The following PRKN variants were observed in gnomAD, a reference collection of about 807,000 sequenced individuals.
PRKN encodes E3 ubiquitin-protein ligase parkin.
Under a neutral mutation model 59.5 loss-of-function variants are expected in PRKN, and 56 were observed. The observed-to-expected ratio is 0.94, with a 90% confidence interval of 0.76 to 1.18. PRKN has a LOEUF of 1.18. Among genes scored for constraint, PRKN ranks in the 50% most tolerant of loss-of-function variants. PRKN has a pLI of 0.00. For missense variants in PRKN, 657 were observed against 596.4 expected, an observed-to-expected ratio of 1.10 and a Z score of -1.06; for synonymous variants, 250 against 222.1, an observed-to-expected ratio of 1.13 and a Z score of -1.12.
At chr6:161,669,748 A>G (rs989734221) in intron 7 of PRKN, among the ~76,000 whole-genome samples, 7 of 152,260 alleles carry the variant, frequency 4.6e-5, no homozygotes, top group Non-Finnish European at 1.0e-4. Context: ...TGACTGTGGG[A>G]TGATCACTGT....
At chr6:162,119,842 C>A (rs1780830210) in intron 4 of PRKN, among the ~76,000 whole-genome samples, 1 of 152,100 alleles carries the variant, frequency 6.6e-6, no homozygotes, top group Non-Finnish European at 1.5e-5. Context: ...CAATATCTTG[C>A]CAATCACTCT....
chr6:161,731,775 T>C (rs1395717481), intron 7 of PRKN, among the ~76,000 whole-genome samples: 1 of 152,144 alleles, frequency 6.6e-6, no homozygotes, highest in Non-Finnish European at 1.5e-5. Context: ...ACAAAAGCAC[T>C]AAATATGTCT....
rs1258194942 is a variant in PRKN, at chr6:162,252,368, C to G, written c.412+10157G>C. Among the ~76,000 whole-genome samples, 11 of 152,132 alleles carry G rather than the reference C, an allele frequency of 7.2e-5. 1 individual carries two copies. The highest frequency in any genetic ancestry group is 6.5e-4 in the Admixed American group (10 of 15,268). ...TAGAATTTTGAAGTCAGGGTACCTT[C>G]TAGTGTTGACTGCAATGGTTAAGTC... On this transcript the variant is annotated intron_variant, in intron 3 of 11. Coordinates refer to ENST00000366898, the MANE Select transcript of PRKN (RefSeq NM_004562.3).
At chr6:162,686,260 C>A (rs569411983) in intron 1 of PRKN, among the ~76,000 whole-genome samples, 61 of 152,292 alleles carry the variant, frequency 4.0e-4, no homozygotes, top group Non-Finnish European at 7.5e-4. Context: ...ATTCTTCCAG[C>A]TGACCCTATG....
chr6:161,920,158 C>T (rs188306545), intron 6 of PRKN, among the ~76,000 whole-genome samples: 61 of 152,010 alleles, frequency 4.0e-4, no homozygotes, highest in Non-Finnish European at 7.4e-4. Context: ...CTAAGGCAGG[C>T]GGATCACTTA....
chr6:162,175,150 T>G (rs896905642), intron 4 of PRKN, among the ~76,000 whole-genome samples: 1 of 152,192 alleles, frequency 6.6e-6, no homozygotes, highest in African/African-American at 2.4e-5. Context: ...CTTGTACACC[T>G]TGTTGTCTTA....
intron 5 of PRKN, among the ~76,000 whole-genome samples, chr6:162,032,107 C>T (rs573330526): frequency 1.3e-5 from 2 of 152,232 alleles, no homozygotes; most frequent in East Asian, 3.9e-4. Context: ...GGTTTTCAAA[C>T]AGCTTTAGCC....
chr6:162,194,976 AC>A (rs142238705), intron 4 of PRKN, among the ~76,000 whole-genome samples: 3,884 of 152,226 alleles, frequency 0.026, 165 homozygotes, highest in African/African-American at 0.087. Flanking sequence ...TCGTGGCAGA[AC>A]AGATGGTGGC....
chr6:162,554,213 G>A (rs1251424975), intron 1 of PRKN, among the ~76,000 whole-genome samples: 1 of 152,130 alleles, frequency 6.6e-6, no homozygotes, highest in Non-Finnish European at 1.5e-5. Context: ...CCAAGAAAAC[G>A]GACAGAATGG....
chr6:162,333,557 T>C (rs1342660592), intron 2 of PRKN, among the ~76,000 whole-genome samples: 1 of 152,160 alleles, frequency 6.6e-6, no homozygotes, highest in Admixed American at 6.5e-5. Flanking sequence ...CCACCAACCA[T>C]GCCTATATAA....
In PRKN at chr6:162,230,049, C is replaced by T. The variant is rs901717426; in HGVS notation, c.413-28797G>A. 3.3e-5 allele frequency among the ~76,000 whole-genome samples: 5 copies of T among 152,296 alleles called. No individual in the cohort carries two copies. The East Asian group carries it at 9.7e-4, about 29-fold the overall frequency. ...GAAGGAAACATAATTGAATGTGCAT[C>T]CCTTTTCACAGCCTGGGTACCAGAC... On this transcript the variant is annotated intron_variant, in intron 3 of 11. Transcript: ENST00000366898.
intron 7 of PRKN, among the ~76,000 whole-genome samples, chr6:161,782,451 A>ATTTAT (rs1428993359): frequency 3.3e-5 from 5 of 152,170 alleles, no homozygotes; most frequent in Non-Finnish European, 7.4e-5. Flanking sequence ...GAAAAGGAAT[A>ATTTAT]TTATTTACCT....
At chr6:162,703,130 C>CA (rs1281726105) in intron 1 of PRKN, among the ~76,000 whole-genome samples, 6 of 151,442 alleles carry the variant, frequency 4.0e-5, no homozygotes, top group South Asian at 4.2e-4. Context: ...AGAGTGGCAA[C>CA]AAAAAAAACT....
chr6:162,192,884 C>T (rs1020201799), intron 4 of PRKN, among the ~76,000 whole-genome samples: 6 of 152,080 alleles, frequency 3.9e-5, no homozygotes, highest in African/African-American at 1.4e-4. Flanking sequence ...AAATGCAAAG[C>T]GACATCTGGT....
At chr6:161,571,084 C>T (rs1216287766) in intron 7 of PRKN, among the ~76,000 whole-genome samples, 1 of 152,010 alleles carries the variant, frequency 6.6e-6, no homozygotes, top group Admixed American at 6.6e-5. Flanking sequence ...GGTGTGTGCA[C>T]CACCAAGCCT....
chr6:162,054,963 A>G (rs1458984847), intron 4 of PRKN, among the ~76,000 whole-genome samples: 1 of 152,132 alleles, frequency 6.6e-6, no homozygotes, highest in Admixed American at 6.5e-5. Flanking sequence ...GGAGTTCAAG[A>G]CCAGTCTGAC....
At chr6:162,044,796 C>T (rs1408088066) in intron 5 of PRKN, among the ~76,000 whole-genome samples, 2 of 152,210 alleles carry the variant, frequency 1.3e-5, no homozygotes, top group African/African-American at 2.4e-5. Flanking sequence ...TTGGGCCTCA[C>T]CTCCATGAAG....
At chr6:162,567,965 A>T (rs1288879428) in intron 1 of PRKN, among the ~76,000 whole-genome samples, 1 of 152,132 alleles carries the variant, frequency 6.6e-6, no homozygotes, top group Non-Finnish European at 1.5e-5. Flanking sequence ...AAATCCACAC[A>T]CCTACAGCAA....
At chr6:161,754,495 G>A (rs972089604) in intron 7 of PRKN, among the ~76,000 whole-genome samples, 2 of 152,096 alleles carry the variant, frequency 1.3e-5, no homozygotes, top group Non-Finnish European at 2.9e-5. Flanking sequence ...GCTTGTGGGA[G>A]GCTGCGGTGC....
Sources: allele counts gnomAD v4.1 joint callset (sites outside exome capture counted in the v4.1 genomes callset), GRCh38; gene constraint gnomAD v4.1.1; transcripts MANE v1.5; gene names NCBI Gene and HGNC (gene_info 2026-07-23, HGNC 2026-07-21).